The following CDH12 variants were observed in gnomAD, a reference collection of about 807,000 sequenced individuals.
The protein encoded by CDH12 is cadherin 12.
A neutral mutation model predicts 74.1 loss-of-function variants in CDH12; 41 were observed. The ratio of observed to expected loss-of-function variants is 0.55; its 90% confidence interval spans 0.43 to 0.72. The LOEUF (loss-of-function observed/expected upper bound fraction) is 0.72, where lower values mean the gene tolerates loss of function less well. Among genes scored for constraint, CDH12 ranks in the 30% least tolerant of loss-of-function variants. The pLI, the probability that CDH12 is intolerant of heterozygous loss-of-function variation, is 0.00. For missense variants in CDH12, 945 were observed against 977.2 expected (o/e 0.97, Z 0.44); for synonymous variants, 399 against 355.0 (o/e 1.12, Z -1.39).
chr5:21,799,844 G>A (rs1747012060), intron 10 of CDH12, among the ~76,000 whole-genome samples: 1 of 152,148 alleles, frequency 6.6e-6, no homozygotes, highest in Non-Finnish European at 1.5e-5. Context: ...CTGAGAGTGT[G>A]ACCACTGCAC....
intron 4 of CDH12, among the ~76,000 whole-genome samples, chr5:22,188,004 G>A (rs2150343384): frequency 6.6e-6 from 1 of 151,906 alleles, no homozygotes; most frequent in East Asian, 1.9e-4. Context: ...TTATGCAGAT[G>A]CCCTATAGCA....
intron 9 of CDH12, among the ~76,000 whole-genome samples, chr5:21,808,727 A>C (rs1421999296): frequency 3.3e-5 from 5 of 152,100 alleles, no homozygotes; most frequent in Admixed American, 3.3e-4. Context: ...TATGATCAAT[A>C]TAGTAGTCAA....
intron 2 of CDH12, among the ~76,000 whole-genome samples, chr5:22,477,318 G>GT (rs1328308613): frequency 6.6e-6 from 1 of 152,032 alleles, no homozygotes; most frequent in African/African-American, 2.4e-5. Flanking sequence ...GCCCCTACTT[G>GT]TAAGTGAGAA....
At chr5:21,777,505 T>C (rs1745656333) in intron 11 of CDH12, among the ~76,000 whole-genome samples, 1 of 147,980 alleles carries the variant, frequency 6.8e-6, no homozygotes, top group African/African-American at 2.4e-5. Context: ...GGAAATTACT[T>C]TGATAATTGT....
At chr5:22,254,560 G>A (rs1305194569) in intron 3 of CDH12, among the ~76,000 whole-genome samples, 1 of 151,638 alleles carries the variant, frequency 6.6e-6, no homozygotes, top group African/African-American at 2.4e-5. Context: ...TAACTAATGG[G>A]TATCAGGTTT....
intron 5 of CDH12, among the ~76,000 whole-genome samples, chr5:22,006,877 T>C (rs1227152193): frequency 1.3e-5 from 2 of 152,124 alleles, no homozygotes; most frequent in African/African-American, 4.8e-5. Flanking sequence ...TTATTAAAAT[T>C]AGTATTATGT....
At chr5:21,783,577 T>C in intron 10 of CDH12, 83 bp from the exon 11 acceptor site, 3 of 1,029,352 alleles carry the variant, frequency 2.9e-6, no homozygotes, top group Non-Finnish European at 4.4e-6. Flanking sequence ...ACACAGTTCC[T>C]TATTTTTCTC....
intron 8 of CDH12, among the ~76,000 whole-genome samples, chr5:21,830,199 C>CAAAAAAAAAAAAAAAAAAAAAAAAAA (rs1055199877): frequency 4.0e-5 from 1 of 25,234 alleles, no homozygotes; most frequent in Admixed American, 7.6e-4. Context: ...AACTCCTTCT[C>CAAAAAAAAAAAAAAAAAAAAAAAAAA]AAAAAAAAAA....
At chr5:22,667,921 A>G (rs899835706) in intron 1 of CDH12, among the ~76,000 whole-genome samples, 5 of 152,182 alleles carry the variant, frequency 3.3e-5, no homozygotes, top group African/African-American at 1.2e-4. Context: ...AATGTGCTTA[A>G]TATCAAAGTG....
rs528182576 is a variant in CDH12, at chr5:22,093,151, C to T, written c.-186-14289G>A. On this transcript the variant is annotated intron_variant, in intron 4 of 14. Coordinates refer to ENST00000382254, the MANE Select transcript of CDH12 (RefSeq NM_004061.5). ...GGGTCAGAGAGATCCAAAGGGCTGT[C>T]GCAGCTTGGATTTCATAACCACAAA... 2.7e-4 allele frequency among the ~76,000 whole-genome samples: 41 copies of T among 152,224 alleles called. 1 individual carries two copies. The South Asian group carries it at 6.0e-3, about 22-fold the overall frequency.
intron 6 of CDH12, among the ~76,000 whole-genome samples, chr5:21,867,064 T>C (rs546751229): frequency 2.0e-5 from 3 of 152,228 alleles, no homozygotes; most frequent in African/African-American, 4.8e-5. Flanking sequence ...AAATCAAGAA[T>C]TGAGGCTTGG....
chr5:22,546,615 C>T (rs983483465), intron 1 of CDH12, among the ~76,000 whole-genome samples: 1 of 152,200 alleles, frequency 6.6e-6, no homozygotes, highest in South Asian at 2.1e-4. Flanking sequence ...CACTATAAAT[C>T]ATAGAGCACA....
intron 1 of CDH12, among the ~76,000 whole-genome samples, chr5:22,553,144 A>C (rs940760635): frequency 3.3e-5 from 5 of 152,090 alleles, no homozygotes. Context: ...AGGAGAATGA[A>C]ATCTTCCTAA....
At chr5:22,827,233 G>A (rs1310135237) in intron 1 of CDH12, among the ~76,000 whole-genome samples, 2 of 152,182 alleles carry the variant, frequency 1.3e-5, no homozygotes, top group Admixed American at 1.3e-4. Flanking sequence ...TCTTCCATGT[G>A]GTGTTGAGCC....
intron 11 of CDH12, among the ~76,000 whole-genome samples, chr5:21,771,450 C>A (rs559841093): frequency 1.3e-5 from 2 of 152,186 alleles, no homozygotes; most frequent in South Asian, 2.1e-4. Flanking sequence ...TCTGGGGAAT[C>A]CATAAAGATA....
intron 1 of CDH12, among the ~76,000 whole-genome samples, chr5:22,587,082 C>A (rs533074883): frequency 6.6e-6 from 1 of 151,956 alleles, no homozygotes; most frequent in Non-Finnish European, 1.5e-5. Flanking sequence ...GCGATCTGCC[C>A]GTCTTGGCCT....
chr5:21,789,806 G>A (rs972374113), intron 10 of CDH12, among the ~76,000 whole-genome samples: 12 of 152,012 alleles, frequency 7.9e-5, no homozygotes, highest in South Asian at 6.2e-4. Flanking sequence ...TGTATGTGAC[G>A]TGATTATCCT....
chr5:22,736,476 A>G (rs1249971756), intron 1 of CDH12, among the ~76,000 whole-genome samples: 1 of 151,860 alleles, frequency 6.6e-6, no homozygotes, highest in African/African-American at 2.4e-5. Context: ...TAACAAAAAT[A>G]TATGCTGTTA....
chr5:22,694,901 C>T (rs1351208691), intron 1 of CDH12, among the ~76,000 whole-genome samples: 1 of 151,868 alleles, frequency 6.6e-6, no homozygotes, highest in Non-Finnish European at 1.5e-5. Context: ...TATACATGTG[C>T]CATGGTGATT....
Sources: gnomAD v4.1 joint callset for allele counts (sites outside exome capture counted in the v4.1 genomes callset) on GRCh38, gnomAD v4.1.1 for gene constraint, MANE v1.5 for transcripts, NCBI Gene and HGNC (gene_info 2026-07-23, HGNC 2026-07-21) for gene names.